The following NUDT13 variants were observed in gnomAD, a reference collection of about 807,000 sequenced individuals.
NUDT13 encodes NAD(P)H pyrophosphatase NUDT13, mitochondrial.
A neutral mutation model predicts 41.7 loss-of-function variants in NUDT13; 40 were observed. The ratio of observed to expected loss-of-function variants is 0.96; its 90% CI spans 0.75 to 1.25. The LOEUF (loss-of-function observed/expected upper bound fraction) is 1.25, where lower values mean the gene tolerates loss of function less well. Among genes scored for constraint, NUDT13 ranks in the 50% most tolerant of loss-of-function variants. The pLI is 0.00. For missense variants in NUDT13, 390 were observed against 416.1 expected, an observed-to-expected ratio of 0.94 and a Z score of 0.55; for synonymous variants, 145 against 155.5, an observed-to-expected ratio of 0.93 and a Z score of 0.50.
intron 1 of NUDT13, among the ~76,000 whole-genome samples, chr10:73,110,804 T>C (rs1842346190): frequency 6.6e-6 from 1 of 152,212 alleles, no homozygotes; most frequent in Admixed American, 6.5e-5. Flanking sequence ...CATTTAAAAA[T>C]GGAACTTGCC....
intron 5 of NUDT13, 126 bp from the exon 6 acceptor site, chr10:73,124,992 A>T: frequency 1.8e-6 from 2 of 1,082,752 alleles, no homozygotes; most frequent in Non-Finnish European, 2.6e-6. Flanking sequence ...GTAACCATTT[A>T]AATTACGTGA....
intron 5 of NUDT13, 77 bp downstream of exon 5, chr10:73,124,397 C>A: frequency 2.1e-6 from 2 of 932,402 alleles, no homozygotes; most frequent in Non-Finnish European, 1.7e-6. Context: ...ACACACAAGG[C>A]TAGAGTGACG....
At chr10:73,130,608 T>G (rs1438560490) in intron 8 of NUDT13, 95 bp from the exon 9 acceptor site, 2 of 1,022,028 alleles carry the variant, frequency 2.0e-6, no homozygotes, top group African/African-American at 3.2e-5. Flanking sequence ...CTTCTAAGAT[T>G]GCTTAGTTCT....
In NUDT13 at chr10:73,131,475, C is replaced by T. The variant is rs1297294382; in HGVS notation, c.*572C>T. 1.3e-5 allele frequency: 2 copies of T among 154,878 alleles called. No homozygotes were observed. Among genetic ancestry groups the T allele is most frequent in the Non-Finnish European group, 2.9e-5 (2 of 69,712 alleles). 9.6% of individuals were successfully genotyped at this position (154,878 alleles called of 1,614,324 possible). A position where few individuals can be genotyped will look rare whatever the true frequency, so the allele number is the denominator to read the frequency against. On this transcript the variant is annotated 3_prime_UTR_variant, in exon 9 of 9. Transcript: ENST00000357321. ...AATTAAGTCATTATGACTCAGAGTA[C>T]TTTATAATAAATCAGATGCCCTGAG...
chr10:73,124,228 C>G lies in NUDT13; in HGVS notation c.373C>G (p.Pro125Ala). ...SFSISASLHK[P>A]EMETELKGSF... ...TAATTTTCTAGCCTCCTTACACAAA[C>G]CTGAAATGGAGACAGAGCTCAAGGG... The change falls in exon 5 of 9, where the codon CCT becomes GCT. Residue 125 changes from proline (P) to alanine (A), a missense_variant. Transcript: ENST00000357321. 6.2e-7 allele frequency: 1 copy of G among 1,611,550 alleles called. No individual in the cohort carries two copies. Among genetic ancestry groups the G allele is most frequent in the East Asian group, 2.2e-5 (1 of 44,868 alleles).
rs935871621 is a variant in NUDT13, at chr10:73,110,459, G to A, written c.-118G>A. 1.3e-5 allele frequency: 2 copies of A among 152,158 alleles called. No individual in the cohort carries two copies. The highest frequency in any genetic ancestry group is 4.8e-5 in the African/African-American group (2 of 41,424). The allele number at this position is 152,158 out of a possible 1,614,324, so 9.4% of individuals were successfully genotyped here. Reference sequence around the variant, plus strand: ...GAGGATTCTGGGAAGTGTGGCAGAAGCAGCAATGGTCCCTCCAGGGAACGG... The same window carrying A: ...GAGGATTCTGGGAAGTGTGGCAGAAACAGCAATGGTCCCTCCAGGGAACGG... On this transcript the variant is annotated 5_prime_UTR_variant, in exon 1 of 9. Transcript: ENST00000357321.
intron 1 of NUDT13, among the ~76,000 whole-genome samples, chr10:73,112,629 A>T (rs765245470): frequency 2.0e-5 from 3 of 151,824 alleles, no homozygotes; most frequent in Admixed American, 1.3e-4. Context: ...ATCACCTCAC[A>T]TTTTTTGTGT....
chr10:73,118,946 TGGG>T (rs1842576660), intron 2 of NUDT13, among the ~76,000 whole-genome samples: 1 of 151,750 alleles, frequency 6.6e-6, no homozygotes, highest in Non-Finnish European at 1.5e-5. Flanking sequence ...CACTCCAGCC[TGGG>T]TGACAGAGTG....
At chr10:73,124,388 C>T (rs1842723077) in intron 5 of NUDT13, 68 bp downstream of exon 5, 5 of 1,023,514 alleles carry the variant, frequency 4.9e-6, no homozygotes, top group Admixed American at 3.5e-5. Flanking sequence ...TCCATGTGTA[C>T]ACACAAGGCT....
intron 2 of NUDT13, among the ~76,000 whole-genome samples, chr10:73,116,729 G>A (rs369719294): frequency 2.6e-5 from 4 of 152,108 alleles, no homozygotes; most frequent in African/African-American, 7.2e-5. Flanking sequence ...ATGATAGAGT[G>A]AGACCCTGTC....
chr10:73,124,169 A>T, intron 4 of NUDT13, 45 bp from the exon 5 acceptor site: 1 of 1,389,972 alleles, frequency 7.2e-7, no homozygotes, highest in Non-Finnish European at 1.0e-6. Flanking sequence ...GCCCTGAGGC[A>T]AAGTTTGTCA....
Position 73,126,953 on chromosome 10 carries a change from A to C in NUDT13, c.858+126A>C, listed in dbSNP as rs1842803067. On this transcript the variant is annotated intron_variant, in intron 8 of 8. Coordinates refer to ENST00000357321, the MANE Select transcript of NUDT13 (RefSeq NM_015901.6). ...TAGATTACATAAACATGTGTAAAAT[A>C]TGATTTAGGGCTGAGCACGGTGGCT... 4.6e-6 allele frequency: 4 copies of C among 870,700 alleles called. No homozygotes were observed. The South Asian group carries it at 6.3e-5, about 14-fold the overall frequency. 53.9% of individuals were successfully genotyped at this position (870,700 alleles called of 1,614,324 possible).
chr10:73,120,062 C>G lies in NUDT13; in HGVS notation c.128C>G (p.Ala43Gly). 1 of 1,614,072 alleles carries G rather than the reference C, an allele frequency of 6.2e-7. No homozygotes were observed. Reference sequence around the variant, plus strand: ...GAAGATGATGATGCATGTAAAAAAGCCCAGCAAACAGGAGCGTTTTACCTC... The same window carrying G: ...GAAGATGATGATGCATGTAAAAAAGGCCAGCAAACAGGAGCGTTTTACCTC... ...LKEDDDACKK[A>G]QQTGAFYLFH... Residue 43 changes from alanine to glycine, a missense_variant, in exon 3 of 9, where the codon GCC becomes GGC. Transcript: ENST00000357321.
intron 8 of NUDT13, 198 bp from the exon 9 acceptor site, chr10:73,130,505 C>T (rs979905808): frequency 2.8e-5 from 12 of 425,300 alleles, no homozygotes; most frequent in Non-Finnish European, 4.8e-5. Context: ...CACACACACA[C>T]ATATAAAACT....
intron 3 of NUDT13, among the ~76,000 whole-genome samples, chr10:73,121,210 C>T (rs1842638993): frequency 6.6e-6 from 1 of 152,034 alleles, no homozygotes; most frequent in Non-Finnish European, 1.5e-5. Context: ...CCCGTCTCTA[C>T]CCAAGAACAA....
rs1162625624 is a variant in NUDT13, at chr10:73,114,444, A to G, written c.79A>G (p.Thr27Ala). 3 of 1,569,772 alleles carry G rather than the reference A, an allele frequency of 1.9e-6. No individual in the cohort carries two copies. The highest frequency in any genetic ancestry group is 1.7e-5 in the Admixed American group (1 of 58,626). ...GCTGCTGTCAACCTATGTTACTAAGACACGGTGAGTTTTAGCCAACCTGAG... is the reference window on the plus strand; with the variant it reads ...GCTGCTGTCAACCTATGTTACTAAGGCACGGTGAGTTTTAGCCAACCTGAG... ...YRLLSTYVTK[T>A]RYLFELKEDD... Residue 27 changes from threonine (T) to alanine (A), a missense_variant, in exon 2 of 9, where the codon ACA (threonine) becomes GCA (alanine). Thr to Ala is a moderately conservative substitution (Grantham distance 58). Transcript: ENST00000357321.
chr10:73,122,092 T>C, intron 3 of NUDT13, 83 bp from the exon 4 acceptor site: 1 of 1,464,108 alleles, frequency 6.8e-7, no homozygotes, highest in Non-Finnish European at 9.2e-7. Flanking sequence ...AGTAGATGAT[T>C]TTCTGTGAGT....
Position 73,126,718 on chromosome 10 carries a change from TG to T in NUDT13, c.752del (p.Gly251AspfsTer23), listed in dbSNP as rs1842792014. On this transcript the variant is annotated frameshift_variant, in exon 8 of 9. Transcript: ENST00000357321. LOFTEE classifies it high-confidence loss of function. ...ATCCGCCGAGAAGTTGCAGAAGAGG[TG>T]GGATTGGAGGTGGAAAGCCTGCAGT... ...ETIRREVAEE[V>X]GLEVESLQYY... The T allele has an allele frequency of 6.2e-7, 1 of 1,612,712 alleles. No homozygotes were observed. The highest frequency in any genetic ancestry group is 1.3e-5 in the African/African-American group (1 of 74,564).
chr10:73,124,712 T>C (rs887882975), intron 5 of NUDT13: 2 of 200,936 alleles, frequency 1.0e-5, no homozygotes, highest in African/African-American at 2.3e-5. Flanking sequence ...ATTTTGATTG[T>C]GCATTTAATT....
Sources: gnomAD v4.1 joint callset for allele counts (sites outside exome capture counted in the v4.1 genomes callset) on GRCh38, gnomAD v4.1.1 for gene constraint, MANE v1.5 for transcripts, NCBI Gene and HGNC (gene_info 2026-07-23, HGNC 2026-07-21) for gene names.